AMPD3: variants seen among roughly 807,000 people sequenced by gnomAD.
AMPD3 encodes the protein AMP deaminase 3.
A neutral mutation model predicts 82.3 loss-of-function variants in AMPD3; 57 were observed. The ratio of observed to expected loss-of-function variants is 0.69; its 90% CI spans 0.56 to 0.86. The LOEUF is 0.86. Ranked by LOEUF, AMPD3 falls within the 40% of genes least tolerant of loss-of-function variation. The pLI is 0.00. For synonymous variants in AMPD3, 381 were observed against 394.7 expected, an observed-to-expected ratio of 0.97 and a Z score of 0.41; for missense variants, 870 against 1,003.8, an observed-to-expected ratio of 0.87 and a Z score of 1.80.
intron 1 of AMPD3, among the ~76,000 whole-genome samples, chr11:10,457,118 C>G (rs747734822): frequency 1.3e-5 from 2 of 151,694 alleles, no homozygotes; most frequent in African/African-American, 4.8e-5. Context: ...GCTGAGACCA[C>G]AGGTGCATGC....
Position 10,493,154 on chromosome 11 carries a change from G to A in AMPD3, c.940-195G>A, listed in dbSNP as rs537370001. Among the ~76,000 whole-genome samples the A allele has an allele frequency of 5.9e-5, 9 of 152,332 alleles. No homozygotes were observed. In the South Asian group the frequency reaches 1.0e-3, roughly 18 times the overall value. ...CTGGTGCTGTAAGGAGGTGGAATGC[G>A]CAGCAAGGCTGAAAGGGAGGGATAC... On this transcript the variant is annotated intron_variant, in intron 6 of 14. Transcript: ENST00000396553.
Position 10,493,308 on chromosome 11 carries a change from G to A in AMPD3, c.940-41G>A, listed in dbSNP as rs745569688. On this transcript the variant is annotated intron_variant, in intron 6 of 14. Transcript: ENST00000396553. ...GATGTCTTAACTCTTGTTGCTAGGG[G>A]AGGTGGCCTGACTCAGGGCCTGGTG... 10 of 1,611,116 alleles carry A rather than the reference G, an allele frequency of 6.2e-6. No individual in the cohort carries two copies. In the South Asian group the frequency reaches 8.8e-5, roughly 14 times the overall value.
At chr11:10,482,850 C>T (rs1848953780) in intron 4 of AMPD3, among the ~76,000 whole-genome samples, 1 of 152,122 alleles carries the variant, frequency 6.6e-6, no homozygotes, top group South Asian at 2.1e-4. Flanking sequence ...TAAAAGAACA[C>T]AATCACACAG....
chr11:10,461,134 A>G, intron 1 of AMPD3: 1 of 1,197,202 alleles, frequency 8.4e-7, no homozygotes, highest in Non-Finnish European at 1.1e-6. Flanking sequence ...CTATAACAGT[A>G]TCCTCATAGT....
At chr11:10,493,250 G>C in intron 6 of AMPD3, 99 bp from the exon 7 acceptor site, 1 of 1,401,302 alleles carries the variant, frequency 7.1e-7, no homozygotes, top group South Asian at 1.2e-5. Flanking sequence ...GATGGCCCAT[G>C]AGGTGCTGGG....
At chr11:10,500,324 C>A in intron 11 of AMPD3, 75 bp downstream of exon 11, 2 of 1,520,056 alleles carry the variant, frequency 1.3e-6, no homozygotes. Flanking sequence ...CATGCACACA[C>A]ACATGCATGT....
intron 10 of AMPD3, 33 bp downstream of exon 10, chr11:10,496,971 T>C (rs72857486): frequency 0.033 from 53,094 of 1,612,212 alleles, 1,093 homozygotes; most frequent in Non-Finnish European, 0.039. Flanking sequence ...GCAGGGCTCA[T>C]AGCGGCAGAG....
rs1308934681 is a variant in AMPD3 at position 10,496,822 on chromosome 11, A to G, written c.1441A>G (p.Arg481Gly). The part of the protein sequence containing the change: ...IQVPRIYDIF[R>G]SKKLLPNFGK... The stretch of plus-strand genomic sequence containing the variant: ...TTTGCTGTCCCCCAGTGACATATTT[A>G]GGTCAAAGAAGCTGCTGCCAAACTT... Residue 481 changes from arginine to glycine, a missense_variant, in exon 10 of 15, where the codon AGG becomes GGG. Coordinates refer to ENST00000396553, the MANE Select transcript of AMPD3 (RefSeq NM_001025389.2). The G allele has an allele frequency of 3.1e-6, 5 of 1,614,140 alleles. No individual in the cohort carries two copies. Among genetic ancestry groups the G allele is most frequent in the Non-Finnish European group, 4.2e-6 (5 of 1,180,026 alleles).
At chr11:10,495,827 C>A (rs1037454282) in intron 9 of AMPD3, 94 bp downstream of exon 9, 11 of 1,508,578 alleles carry the variant, frequency 7.3e-6, no homozygotes, top group Admixed American at 3.6e-5. Flanking sequence ...AGGGGTAGGG[C>A]CTGTTCTGGT....
intron 7 of AMPD3, 25 bp downstream of exon 7, chr11:10,493,568 C>T (rs371643148): frequency 1.5e-5 from 24 of 1,611,058 alleles, no homozygotes; most frequent in African/African-American, 8.0e-5. Flanking sequence ...GCTCCAGTGC[C>T]GCCAGCAGAC....
chr11:10,495,155 G>T, intron 8 of AMPD3, 125 bp downstream of exon 8: 2 of 1,600,548 alleles, frequency 1.2e-6, no homozygotes, highest in East Asian at 2.2e-5. Context: ...CTCAGGGAAG[G>T]GTGAGGTGCC....
chr11:10,474,580 G>A (rs1848684524), intron 2 of AMPD3, among the ~76,000 whole-genome samples: 1 of 152,218 alleles, frequency 6.6e-6, no homozygotes, highest in South Asian at 2.1e-4. Context: ...TGGAGCACCA[G>A]ACAGGTGCTG....
intron 2 of AMPD3, among the ~76,000 whole-genome samples, chr11:10,467,004 C>T (rs757872996): frequency 9.2e-5 from 14 of 152,044 alleles, no homozygotes; most frequent in African/African-American, 1.4e-4. Flanking sequence ...AGACCACATC[C>T]GAAAATCACC....
intron 2 of AMPD3, among the ~76,000 whole-genome samples, chr11:10,477,662 T>A (rs1848779164): frequency 6.6e-6 from 1 of 152,140 alleles, no homozygotes; most frequent in South Asian, 2.1e-4. Context: ...TGCCGATCAA[T>A]CCCTCTCCCC....
chr11:10,493,281 T>G (rs1446742302), intron 6 of AMPD3, 68 bp from the exon 7 acceptor site: 1 of 1,578,988 alleles, frequency 6.3e-7, no homozygotes, highest in African/African-American at 1.3e-5. Context: ...CATTGAGGGT[T>G]GGATGTCTTA....
At chr11:10,473,664 C>A in intron 2 of AMPD3, 1 of 928,594 alleles carries the variant, frequency 1.1e-6, no homozygotes, top group South Asian at 4.9e-5. Flanking sequence ...TCTGTAGGGA[C>A]CCCTGTTATA....
At chr11:10,504,778 TCAGGCA>T (rs1849672315) in intron 14 of AMPD3, 119 bp downstream of exon 14, 1 of 965,290 alleles carries the variant, frequency 1.0e-6, no homozygotes, top group East Asian at 2.5e-5. Context: ...TCTGAGACAC[TCAGGCA>T]CAGGGAGAGA....
chr11:10,479,398 G>A (rs186510267), intron 3 of AMPD3, among the ~76,000 whole-genome samples: 7 of 152,314 alleles, frequency 4.6e-5, no homozygotes, highest in African/African-American at 1.7e-4. Context: ...TAACGCCTCA[G>A]TTGGCTTCAT....
rs1564847498 is a variant in AMPD3 at position 10,482,212 on chromosome 11, A to C, written c.576A>C (p.Glu192Asp). ...CGCGGGCGGATACTGCACCTCCGGA[A>C]GAGGGCCTTCCAGGTATGGAGCTCT... ...GHPRADTAPP[E>D]EGLPDFHPPP... Residue 192 changes from glutamate to aspartate, a missense_variant, in exon 4 of 15, where the codon GAA becomes GAC. Glu to Asp is a conservative substitution (Grantham distance 45). Coordinates refer to ENST00000396553, the MANE Select transcript of AMPD3 (RefSeq NM_001025389.2). The C allele has an allele frequency of 1.2e-6, 2 of 1,612,086 alleles. No homozygotes were observed. Among genetic ancestry groups the C allele is most frequent in the Non-Finnish European group, 1.7e-6 (2 of 1,179,510 alleles).
Sources: gnomAD v4.1 joint callset for allele counts (sites outside exome capture counted in the v4.1 genomes callset) on GRCh38, gnomAD v4.1.1 for gene constraint, MANE v1.5 for transcripts, NCBI Gene and HGNC (gene_info 2026-07-23, HGNC 2026-07-21) for gene names.